The following RSF1 variants were observed in gnomAD, a reference collection of about 807,000 sequenced individuals.
RSF1 encodes HBV pX-associated protein 8.
A neutral mutation model predicts 145.2 loss-of-function variants in RSF1; 13 were observed. That is an observed-to-expected ratio of 0.09 (90% CI 0.06 to 0.14). The LOEUF is 0.14. RSF1 is among the 10% of genes least tolerant of loss of function. The probability of loss-of-function intolerance (pLI) is 1.00; values close to 1 mark genes in which losing one functional copy is unlikely to be tolerated. For synonymous variants in RSF1, 577 were observed against 592.6 expected (o/e 0.97, Z 0.38); for missense variants, 1,517 against 1,718.2 (o/e 0.88, Z 2.07).
chr11:77,741,255 GT>G (rs1947932895), intron 3 of RSF1, among the ~76,000 whole-genome samples: 1 of 152,272 alleles, frequency 6.6e-6, no homozygotes, highest in East Asian at 1.9e-4. Flanking sequence ...AAGATTTTCT[GT>G]TTTAGGCCAG....
At chr11:77,856,818 T>C in the RSF1 span, among the ~76,000 whole-genome samples, 1 of 152,160 alleles carries the variant, frequency 6.6e-6, no homozygotes, top group African/African-American at 2.4e-5. Context: ...ACATTGGGGA[T>C]TACAATTCGA....
At chr11:77,747,615 T>C (rs1214177949) in intron 2 of RSF1, among the ~76,000 whole-genome samples, 2 of 152,238 alleles carry the variant, frequency 1.3e-5, no homozygotes, top group Admixed American at 6.5e-5. Flanking sequence ...TGAAAACTTA[T>C]GTAACTTGGC....
chr11:77,702,512 G>A lies in RSF1; in HGVS notation c.734-17C>T. On this transcript the variant is annotated splice_polypyrimidine_tract_variant and intron_variant, in intron 5 of 15. Transcript: ENST00000308488. ...TCTGTTCCTCTAAAAATCAGAAAAA[G>A]CTTAATTACATGAATAGAAACTTTC... 1 of 1,477,022 alleles carries A rather than the reference G, an allele frequency of 6.8e-7. No homozygotes were observed. Among genetic ancestry groups the A allele is most frequent in the Non-Finnish European group, 9.0e-7 (1 of 1,110,458 alleles). The allele number at this position is 1,477,022 out of a possible 1,614,324, so 91.5% of individuals were successfully genotyped here.
the RSF1 span, among the ~76,000 whole-genome samples, chr11:77,858,302 C>CT: frequency 0.051 from 3,551 of 69,266 alleles, 209 homozygotes; most frequent in East Asian, 0.24. Context: ...TTAAGCAATT[C>CT]TTTTTTTTTT....
intron 4 of RSF1, among the ~76,000 whole-genome samples, chr11:77,737,555 C>T (rs1044626957): frequency 1.3e-5 from 2 of 151,474 alleles, no homozygotes; most frequent in Non-Finnish European, 2.9e-5. Flanking sequence ...ACAATTGCCA[C>T]ATACACCATT....
At chr11:77,749,598 AT>A (rs1176545485) in intron 2 of RSF1, among the ~76,000 whole-genome samples, 1 of 152,234 alleles carries the variant, frequency 6.6e-6, no homozygotes, top group Non-Finnish European at 1.5e-5. Context: ...ACTGATTCGC[AT>A]CTATGTGTAA....
intron 2 of RSF1, among the ~76,000 whole-genome samples, chr11:77,754,324 G>C (rs983029966): frequency 1.3e-5 from 2 of 152,218 alleles, no homozygotes; most frequent in Admixed American, 6.5e-5. Context: ...ATTTGAGACT[G>C]GGGTAGGTGA....
At chr11:77,696,499 A>G (rs747050707) in intron 7 of RSF1, among the ~76,000 whole-genome samples, 21 of 152,224 alleles carry the variant, frequency 1.4e-4, no homozygotes, top group Admixed American at 2.6e-4. Context: ...ATAAGAATCT[A>G]CCATATTTGG....
In RSF1 at chr11:77,680,580, G is replaced by A. The variant is rs551617761; in HGVS notation, c.3066-2427C>T. On this transcript the variant is annotated intron_variant, in intron 11 of 15. Coordinates refer to ENST00000308488, the MANE Select transcript of RSF1 (RefSeq NM_016578.4). ...AGTCTAGGCAACATAACAAGACCCC[G>A]TCTCTAAAAACTAAACATCCTGCCT... Among the ~76,000 whole-genome samples the A allele has an allele frequency of 5.3e-5, 8 of 152,242 alleles. No homozygotes were observed. The South Asian group carries it at 6.2e-4, about 12-fold the overall frequency.
rs898640135 is a variant in RSF1 at position 77,737,508 on chromosome 11, C to A, written c.578+3223G>T. On this transcript the variant is annotated intron_variant, in intron 4 of 15. Transcript: ENST00000308488. ...ACAACAACAAAAAAACGGAAAACTGCGTGCAGGCATTAATCTACACAAGCA... is the reference window on the plus strand; with the variant it reads ...ACAACAACAAAAAAACGGAAAACTGAGTGCAGGCATTAATCTACACAAGCA... Among the ~76,000 whole-genome samples, 3 of 150,706 alleles carry A rather than the reference C, an allele frequency of 2.0e-5. No homozygotes were observed. The South Asian group carries it at 6.3e-4, about 32-fold the overall frequency.
At position 77,678,080 on chromosome 11, in the gene RSF1, A is replaced by C; in HGVS notation, c.3133+6T>G. The C allele has an allele frequency of 6.2e-7, 1 of 1,609,324 alleles. No homozygotes were observed. Among genetic ancestry groups the C allele is most frequent in the Non-Finnish European group, 8.5e-7 (1 of 1,176,122 alleles). On this transcript the variant is annotated splice_donor_region_variant and intron_variant, in intron 12 of 15. Coordinates refer to ENST00000308488, the MANE Select transcript of RSF1 (RefSeq NM_016578.4). ...CTATGAAGAAGAGAGAACGACAAAC[A>C]CATACCTCCTCCATCGGCTTCTTTG...
At chr11:77,811,165 G>A (rs1343772380) in intron 1 of RSF1, among the ~76,000 whole-genome samples, 2 of 152,206 alleles carry the variant, frequency 1.3e-5, no homozygotes, top group East Asian at 3.8e-4. Context: ...GAACATGGCT[G>A]TATACCAGTA....
chr11:77,826,633 G>C, the RSF1 span, among the ~76,000 whole-genome samples: 1 of 152,168 alleles, frequency 6.6e-6, no homozygotes, highest in African/African-American at 2.4e-5. Flanking sequence ...TGGCTAGCCA[G>C]TCTGTCTCCA....
chr11:77,827,254 C>A, the RSF1 span, among the ~76,000 whole-genome samples: 1 of 152,038 alleles, frequency 6.6e-6, no homozygotes, highest in African/African-American at 2.4e-5. Flanking sequence ...CAAATTCATA[C>A]CAAAAACTAG....
chr11:77,761,383 C>CT (rs900035386), intron 2 of RSF1, among the ~76,000 whole-genome samples: 32 of 146,880 alleles, frequency 2.2e-4, no homozygotes, highest in Admixed American at 1.1e-3. Context: ...TACAGTATTT[C>CT]TTTTTTTTTT....
At chr11:77,842,504 C>T in the RSF1 span, 4 of 1,613,256 alleles carry the variant, frequency 2.5e-6, no homozygotes, top group African/African-American at 2.7e-5. Context: ...CTTATGACTT[C>T]CCCTGAAATT....
At chr11:77,719,647 T>C (rs562692612) in intron 5 of RSF1, among the ~76,000 whole-genome samples, 1 of 152,196 alleles carries the variant, frequency 6.6e-6, no homozygotes, top group Non-Finnish European at 1.5e-5. Flanking sequence ...AATTTGTATA[T>C]TAACATTCAC....
At chr11:77,814,558 G>A (rs1445412192) in intron 1 of RSF1, among the ~76,000 whole-genome samples, 1 of 152,102 alleles carries the variant, frequency 6.6e-6, no homozygotes, top group Non-Finnish European at 1.5e-5. Context: ...CGATTCTCCT[G>A]CCTCGGTCTC....
chr11:77,837,355 T>C, the RSF1 span, among the ~76,000 whole-genome samples: 1 of 152,000 alleles, frequency 6.6e-6, no homozygotes, highest in African/African-American at 2.4e-5. Flanking sequence ...CAGGCTGGTC[T>C]CTTAACTCCT....
Sources: allele counts gnomAD v4.1 joint callset (sites outside exome capture counted in the v4.1 genomes callset), GRCh38; gene constraint gnomAD v4.1.1; transcripts MANE v1.5; gene names NCBI Gene and HGNC (gene_info 2026-07-23, HGNC 2026-07-21).